The following CSMD2 variants were observed in gnomAD, a reference collection of about 807,000 sequenced individuals.
CSMD2 encodes the protein CUB and sushi domain-containing protein 2.
A neutral mutation model predicts 398.5 loss-of-function variants in CSMD2; 130 were observed. That is an observed-to-expected ratio of 0.33 (90% CI 0.28 to 0.38). The LOEUF is 0.38. CSMD2 is among the 10% of genes least tolerant of loss of function. The pLI, the probability that CSMD2 is intolerant of heterozygous loss-of-function variation, is 1.00. For synonymous variants in CSMD2, 1,828 were observed against 1,908.5 expected (o/e 0.96, Z 1.10); for missense variants, 3,829 against 4,764.9 (o/e 0.80, Z 5.78).
chr1:33,855,166 T>C (rs1324313161), intron 5 of CSMD2, among the ~76,000 whole-genome samples: 1 of 152,168 alleles, frequency 6.6e-6, no homozygotes, highest in Non-Finnish European at 1.5e-5. Context: ...CTTTACTGTC[T>C]CCAGGTCTAA....
intron 2 of CSMD2, among the ~76,000 whole-genome samples, chr1:34,074,289 G>A (rs1656068827): frequency 6.6e-6 from 1 of 152,234 alleles, no homozygotes; most frequent in Admixed American, 6.5e-5. Flanking sequence ...TGAATTATTA[G>A]ATAATGTGAA....
chr1:34,150,139 T>C (rs1640171279), intron 1 of CSMD2, among the ~76,000 whole-genome samples: 1 of 149,596 alleles, frequency 6.7e-6, no homozygotes, highest in African/African-American at 2.5e-5. Flanking sequence ...TAGAGTGCAG[T>C]GGTGCAATCA....
chr1:34,060,942 C>T (rs1654422479), intron 2 of CSMD2, among the ~76,000 whole-genome samples: 1 of 152,068 alleles, frequency 6.6e-6, no homozygotes, highest in Admixed American at 6.5e-5. Flanking sequence ...CCTGTATCCC[C>T]TGGGTCAGAA....
chr1:34,165,293 T>A, upstream of CSMD2: 2 of 1,194,694 alleles, frequency 1.7e-6, no homozygotes, highest in Non-Finnish European at 1.0e-6. Context: ...CTCGCTCCAA[T>A]CCCGCTTCGC....
At chr1:33,601,040 T>A in intron 43 of CSMD2, 30 bp from the exon 44 acceptor site, 2 of 1,613,248 alleles carry the variant, frequency 1.2e-6, no homozygotes, top group Non-Finnish European at 1.7e-6. Context: ...TCCTGGCATG[T>A]CACTAGTCAC....
chr1:33,590,483 T>C (rs944198610), intron 44 of CSMD2, among the ~76,000 whole-genome samples: 3 of 151,680 alleles, frequency 2.0e-5, no homozygotes, highest in Admixed American at 6.6e-5. Context: ...CATGGGATAC[T>C]AAAAAGCAAC....
intron 2 of CSMD2, among the ~76,000 whole-genome samples, chr1:34,045,038 TACACACACACACACACACACAC>T (rs10588687): frequency 7.0e-6 from 1 of 142,718 alleles, no homozygotes; most frequent in African/African-American, 2.6e-5. Flanking sequence ...TCACACACCA[TACACACACACACACACACACAC>T]ACACACACAC....
intron 2 of CSMD2, among the ~76,000 whole-genome samples, chr1:34,076,158 T>A (rs909847837): frequency 1.3e-5 from 2 of 152,236 alleles, no homozygotes; most frequent in Non-Finnish European, 1.5e-5. Context: ...TAGAACAAGC[T>A]GTGCGCAGTG....
At chr1:33,842,004 G>A (rs532052396) in intron 6 of CSMD2, among the ~76,000 whole-genome samples, 1 of 152,220 alleles carries the variant, frequency 6.6e-6, no homozygotes, top group Non-Finnish European at 1.5e-5. Flanking sequence ...CCACAGAATA[G>A]TTAACTGCTC....
chr1:34,147,252 C>T (rs1465671665), intron 1 of CSMD2, among the ~76,000 whole-genome samples: 1 of 151,798 alleles, frequency 6.6e-6, no homozygotes, highest in Non-Finnish European at 1.5e-5. Context: ...AGCGACACTC[C>T]ATCTCAAAAA....
intron 6 of CSMD2, among the ~76,000 whole-genome samples, chr1:33,835,658 T>C (rs1173468226): frequency 1.0e-5 from 1 of 96,310 alleles, no homozygotes; most frequent in East Asian, 2.9e-4. Flanking sequence ...ATAATAATAA[T>C]AAAATAAATT....
rs1247373424 is a variant in CSMD2, at chr1:33,514,115, G to C, written c.*2509C>G. On this transcript the variant is annotated 3_prime_UTR_variant, in exon 71 of 71. Transcript: ENST00000373381. Reference sequence around the variant, plus strand: ...CCCAGGGGGAAGCCTCATATACAGAGACAGATAAATTAAATGTATATACTG... The same window carrying C: ...CCCAGGGGGAAGCCTCATATACAGACACAGATAAATTAAATGTATATACTG... 6.6e-6 allele frequency: 1 copy of C among 152,554 alleles called. No individual in the cohort carries two copies. Among genetic ancestry groups the C allele is most frequent in the Non-Finnish European group, 1.5e-5 (1 of 68,026 alleles). 9.5% of individuals were successfully genotyped at this position (152,554 alleles called of 1,614,324 possible).
chr1:34,094,134 C>T (rs1448701227), intron 1 of CSMD2, among the ~76,000 whole-genome samples: 2 of 151,910 alleles, frequency 1.3e-5, no homozygotes, highest in African/African-American at 4.8e-5. Flanking sequence ...ATTTTCAACC[C>T]AGAATTTCAT....
intron 36 of CSMD2, among the ~76,000 whole-genome samples, chr1:33,622,897 A>G (rs1641864944): frequency 6.6e-6 from 1 of 152,266 alleles, no homozygotes; most frequent in Non-Finnish European, 1.5e-5. Context: ...ATTATTCATA[A>G]CAGCACAAAA....
At position 34,164,536 on chromosome 1, in the gene CSMD2, C is replaced by G. The variant is rs991527283; in HGVS notation, c.187+375G>C. Among the ~76,000 whole-genome samples the G allele has an allele frequency of 2.0e-5, 3 of 152,182 alleles. No homozygotes were observed. The highest frequency in any genetic ancestry group is 2.1e-4 in the South Asian group (1 of 4,818). ...AGAATCAGGAGCCGGGGGAGTAGGG[C>G]TCCCGGAAAGTTTATCGGGAAAAAG... On this transcript the variant is annotated intron_variant, in intron 1 of 70. Transcript: ENST00000373381. This position sits in a 1 kb window ranked among gnomAD's most constrained non-coding sequence, Gnocchi z 6.2.
At chr1:33,824,033 G>A (rs1399448794) in intron 7 of CSMD2, among the ~76,000 whole-genome samples, 1 of 152,110 alleles carries the variant, frequency 6.6e-6, no homozygotes, top group Admixed American at 6.5e-5. Context: ...AACACTCTTG[G>A]GAGGAAGGCA....
chr1:34,046,329 A>T (rs1381570384), intron 2 of CSMD2, among the ~76,000 whole-genome samples: 2 of 152,232 alleles, frequency 1.3e-5, no homozygotes, highest in Non-Finnish European at 2.9e-5. Context: ...TTTTTCTTTC[A>T]ATTTATATTA....
intron 22 of CSMD2, among the ~76,000 whole-genome samples, chr1:33,702,589 T>C (rs1260453407): frequency 6.6e-6 from 1 of 152,202 alleles, no homozygotes; most frequent in Admixed American, 6.5e-5. Context: ...TAATTTTTTA[T>C]AACAATAAGA....
chr1:34,073,293 T>C (rs1180770545), intron 2 of CSMD2, among the ~76,000 whole-genome samples: 2 of 152,232 alleles, frequency 1.3e-5, no homozygotes, highest in African/African-American at 4.8e-5. Context: ...AAATCCATAA[T>C]GCCTTTGGCC....
Sources: allele counts gnomAD v4.1 joint callset (sites outside exome capture counted in the v4.1 genomes callset), GRCh38; gene constraint gnomAD v4.1.1; non-coding constraint Gnocchi (gnomAD v3.1); transcripts MANE v1.5; gene names NCBI Gene and HGNC (gene_info 2026-07-23, HGNC 2026-07-21).